The following ATXN2 variants were observed in gnomAD, a reference collection of about 807,000 sequenced individuals.
ATXN2 encodes the protein ataxin 2, also known as ataxin-2.
A neutral mutation model predicts 138.6 loss-of-function variants in ATXN2; 37 were observed. The ratio of observed to expected loss-of-function variants is 0.27; its 90% CI spans 0.21 to 0.35. ATXN2 has a LOEUF of 0.35. Among genes scored for constraint, ATXN2 ranks in the 10% least tolerant of loss-of-function variants. The probability of loss-of-function intolerance (pLI) is 1.00; values close to 1 mark genes in which losing one functional copy is unlikely to be tolerated. For synonymous variants in ATXN2, 549 were observed against 543.7 expected (o/e 1.01, Z -0.13); for missense variants, 1,216 against 1,480.3 (o/e 0.82, Z 2.93).
In ATXN2 at chr12:111,589,608, C is replaced by CTAAA. The variant is rs1411444932; in HGVS notation, c.251+9175_251+9176insTTTA. On this transcript the variant is annotated intron_variant, in intron 1 of 24. Coordinates refer to ENST00000673436, the MANE Select transcript of ATXN2 (RefSeq NM_001372574.1). ...CCAACATGATAAAACCCCATCTCTA[C>CTAAA]CAATAATACAAAAATTAGCCAGGTG... Among the ~76,000 whole-genome samples the CTAAA allele has an allele frequency of 1.0e-3, 145 of 141,214 alleles. 1 individual carries two copies. The highest frequency in any genetic ancestry group is 4.4e-3 in the African/African-American group (139 of 31,292). The allele number at this position is 141,214 out of a possible 152,430, so 92.6% of individuals were successfully genotyped here. A position where few individuals can be genotyped will look rare whatever the true frequency, so the allele number is the denominator to read the frequency against.
intron 18 of ATXN2, among the ~76,000 whole-genome samples, chr12:111,479,390 TAAAAAAAAAAAAAAAA>T (rs33967202): frequency 6.0e-5 from 3 of 49,848 alleles, no homozygotes; most frequent in Non-Finnish European, 8.2e-5. Flanking sequence ...CCGTCTCTGC[TAAAAAAAAAAAAAAAA>T]AAAAAAAAAA....
rs1250014389 is a variant in ATXN2 at position 111,470,151 on chromosome 12, T to C, written c.2799A>G (p.Ser933=). 3.1e-6 allele frequency: 5 copies of C among 1,614,120 alleles called. No individual in the cohort carries two copies. Among genetic ancestry groups the C allele is most frequent in the Non-Finnish European group, 3.4e-6 (4 of 1,180,018 alleles). ...GCTCATGAGCCCCGTACTGAGTTGC[T>C]GAAGAAGATACTAAACCAGGCTGGG... ...THAQPGLVSS[S]ATQYGAHEQT... is the part of the protein sequence containing the mutation. The change falls in exon 20 of 25, where the codon TCA becomes TCG. Residue 933 remains serine (S), a synonymous_variant. Transcript: ENST00000673436.
intron 9 of ATXN2, 47 bp downstream of exon 9, chr12:111,518,202 A>G (rs777760977): frequency 6.9e-7 from 1 of 1,457,860 alleles, no homozygotes; most frequent in South Asian, 1.4e-5. Flanking sequence ...AAGTATTTAG[A>G]AAACTATTTT....
intron 1 of ATXN2, among the ~76,000 whole-genome samples, chr12:111,584,684 G>A (rs545409539): frequency 2.6e-4 from 39 of 151,970 alleles, no homozygotes; most frequent in African/African-American, 9.2e-4. Flanking sequence ...ACAAAAATTA[G>A]GCCGGGCACA....
chr12:111,599,559 G>A (rs1592947308), upstream of ATXN2: 2 of 1,171,510 alleles, frequency 1.7e-6, no homozygotes, highest in South Asian at 3.9e-5. Context: ...CGGAGGTGCG[G>A]ATAGGGACTC....
Position 111,516,168 on chromosome 12 carries a change from C to A in ATXN2, c.1361G>T (p.Arg454Leu). ...TGGTATTGTACCTTCTGAAGACATGCGTTTAGGCATAGTAGAGACAGGAGC... is the reference window on the plus strand; with the variant it reads ...TGGTATTGTACCTTCTGAAGACATGAGTTTAGGCATAGTAGAGACAGGAGC... ...SPAPVSTMPK[R>L]MSSEGPPRMS... Residue 454 changes from arginine (R) to leucine (L), a missense_variant, in exon 10 of 25, where the codon CGC becomes CTC. Arg to Leu is a moderately radical substitution (Grantham distance 102, BLOSUM62 -2). Around this residue, in one of 4 missense-constraint regions of ATXN2, gnomAD observed 401 missense variants for 528.1 expected, o/e 0.76. Coordinates refer to ENST00000673436, the MANE Select transcript of ATXN2 (RefSeq NM_001372574.1). The surrounding 1 kb of genome is among the most constrained non-coding windows in gnomAD (Gnocchi z 5.0). The A allele has an allele frequency of 1.3e-6, 2 of 1,594,858 alleles. No individual in the cohort carries two copies. Among genetic ancestry groups the A allele is most frequent in the African/African-American group, 1.4e-5 (1 of 73,554 alleles).
chr12:111,489,529 T>G (rs1022174899), intron 14 of ATXN2, among the ~76,000 whole-genome samples: 60 of 150,892 alleles, frequency 4.0e-4, no homozygotes, highest in Non-Finnish European at 7.5e-4. Context: ...AGGAGAATGG[T>G]GTGAACCTGG....
At chr12:111,526,615 G>C (rs2135749153) in intron 5 of ATXN2, among the ~76,000 whole-genome samples, 3 of 152,136 alleles carry the variant, frequency 2.0e-5, no homozygotes, top group South Asian at 4.2e-4. Flanking sequence ...ATGTTGGCCA[G>C]GCTGGTCTCG....
chr12:111,516,266 AGGG>A lies in ATXN2; in HGVS notation c.1260_1262del (p.Pro421del), dbSNP rs1566037015. 2.5e-6 allele frequency: 4 copies of A among 1,574,214 alleles called. No homozygotes were observed. The highest frequency in any genetic ancestry group is 2.6e-6 in the Non-Finnish European group (3 of 1,165,522). The stretch of plus-strand genomic sequence containing the variant: ...AGGGGGGCCTGGAGGGCGGCCGTGT[AGGG>A]GTGGCTGCCCGAGGTGGAAGAGAGT... On this transcript the variant is annotated inframe_deletion, in exon 10 of 25. Coordinates refer to ENST00000673436, the MANE Select transcript of ATXN2 (RefSeq NM_001372574.1). This position sits in a 1 kb window ranked among gnomAD's most constrained non-coding sequence, Gnocchi z 5.0.
At chr12:111,485,676 T>TG (rs1325842710) in intron 17 of ATXN2, 37 bp downstream of exon 17, 1 of 1,609,798 alleles carries the variant, frequency 6.2e-7, no homozygotes, top group South Asian at 1.1e-5. Context: ...TACAAACAAT[T>TG]GGGGAGGCTA....
At chr12:111,469,458 T>C in intron 20 of ATXN2, 1 of 152,250 alleles carries the variant, frequency 6.6e-6, no homozygotes, top group East Asian at 1.9e-4. Context: ...ATTTCTCTGT[T>C]TAGTCACAAA....
intron 1 of ATXN2, among the ~76,000 whole-genome samples, chr12:111,582,922 C>A (rs1366647955): frequency 6.6e-6 from 1 of 151,670 alleles, no homozygotes; most frequent in Non-Finnish European, 1.5e-5. Context: ...CCCGCCTCGG[C>A]CTTCCAAAGT....
At chr12:111,530,329 A>C (rs1456224884) in intron 5 of ATXN2, among the ~76,000 whole-genome samples, 1 of 152,242 alleles carries the variant, frequency 6.6e-6, no homozygotes, top group Non-Finnish European at 1.5e-5. Context: ...AATGAAGCAA[A>C]TCTTTTAGAA....
At chr12:111,539,564 G>C (rs547050840) in intron 5 of ATXN2, among the ~76,000 whole-genome samples, 1 of 149,846 alleles carries the variant, frequency 6.7e-6, no homozygotes, top group Non-Finnish European at 1.5e-5. Context: ...TGGCTAACAC[G>C]GTGAAACCCC....
At chr12:111,483,528 T>C (rs1877417860) in intron 18 of ATXN2, among the ~76,000 whole-genome samples, 2 of 151,004 alleles carry the variant, frequency 1.3e-5, no homozygotes, top group Admixed American at 1.3e-4. Context: ...AGCTGATCTT[T>C]GTATTTTTAG....
At chr12:111,528,110 A>C (rs1434169837) in intron 5 of ATXN2, among the ~76,000 whole-genome samples, 1 of 152,208 alleles carries the variant, frequency 6.6e-6, no homozygotes, top group Admixed American at 6.5e-5. Flanking sequence ...TGTCTTAATC[A>C]TACTAGTTTT....
chr12:111,509,635 CT>C lies in ATXN2; in HGVS notation c.1865-17del. The C allele has an allele frequency of 7.1e-7, 1 of 1,409,980 alleles. No individual in the cohort carries two copies. Among genetic ancestry groups the C allele is most frequent in the Non-Finnish European group, 9.8e-7 (1 of 1,018,146 alleles). The allele number at this position is 1,409,980 out of a possible 1,614,324, so 87.3% of individuals were successfully genotyped here. A position where few individuals can be genotyped will look rare whatever the true frequency, so the allele number is the denominator to read the frequency against. On this transcript the variant is annotated splice_polypyrimidine_tract_variant and intron_variant, in intron 13 of 24. Transcript: ENST00000673436. ...GGTGATATACCTGTAAAATTAAGAA[CT>C]GTTAAGACACAGGTTTATTTTTAAA... is the stretch of plus-strand genomic sequence containing the variant.
At chr12:111,589,022 A>AAAAG in intron 1 of ATXN2, among the ~76,000 whole-genome samples, 1 of 144,280 alleles carries the variant, frequency 6.9e-6, no homozygotes, top group Non-Finnish European at 1.5e-5. Context: ...AAAAAAAAAA[A>AAAAG]AACTAAACCA....
intron 17 of ATXN2, 127 bp downstream of exon 17, chr12:111,485,586 A>T: frequency 8.5e-7 from 1 of 1,177,730 alleles, no homozygotes; most frequent in Non-Finnish European, 1.2e-6. Context: ...GAATCTCTGC[A>T]TGCCTGTCTG....
Sources: gnomAD v4.1 joint callset for allele counts (sites outside exome capture counted in the v4.1 genomes callset) on GRCh38, gnomAD v4.1.1 for gene constraint, gnomAD v4.1.1 regional missense constraint, Gnocchi (gnomAD v3.1) non-coding constraint, MANE v1.5 for transcripts, NCBI Gene and HGNC (gene_info 2026-07-23, HGNC 2026-07-21) for gene names.